The following BCKDHB variants were observed in gnomAD, a reference collection of about 807,000 sequenced individuals.
BCKDHB encodes the protein 2-oxoisovalerate dehydrogenase subunit beta, mitochondrial.
BCKDHB carries 41 observed loss-of-function variants against 48.5 expected under a neutral mutation model. The observed-to-expected ratio is 0.85, with a 90% CI of 0.66 to 1.10. The LOEUF (loss-of-function observed/expected upper bound fraction) is 1.10, where lower values mean the gene tolerates loss of function less well. Among genes scored for constraint, BCKDHB ranks in the 50% least tolerant of loss-of-function variants. The probability of loss-of-function intolerance (pLI) is 0.00; values close to 1 mark genes in which losing one functional copy is unlikely to be tolerated. For missense variants in BCKDHB, 496 were observed against 494.2 expected (o/e 1.00, Z -0.03); for synonymous variants, 201 against 174.8 (o/e 1.15, Z -1.18).
At chr6:80,145,682 C>T (rs1233107129) in intron 3 of BCKDHB, among the ~76,000 whole-genome samples, 1 of 152,088 alleles carries the variant, frequency 6.6e-6, no homozygotes, top group Non-Finnish European at 1.5e-5. Flanking sequence ...ATTGCTGGAC[C>T]AACTGTTCAC....
the BCKDHB span, chr6:80,465,740 T>G: frequency 6.6e-6 from 1 of 152,234 alleles, no homozygotes; most frequent in African/African-American, 2.4e-5. Flanking sequence ...ATCTGTTTGC[T>G]TTTCAGTTTG....
At chr6:80,277,757 T>TA (rs1562197293) in intron 9 of BCKDHB, among the ~76,000 whole-genome samples, 1 of 151,926 alleles carries the variant, frequency 6.6e-6, no homozygotes, top group Non-Finnish European at 1.5e-5. Flanking sequence ...GTTACATCCT[T>TA]TCTGTGCGGT....
intron 8 of BCKDHB, among the ~76,000 whole-genome samples, chr6:80,248,529 T>A (rs1776705436): frequency 1.3e-5 from 2 of 152,290 alleles, no homozygotes; most frequent in East Asian, 3.9e-4. Flanking sequence ...ATTGCTGGGA[T>A]ATGGTATGAG....
At chr6:80,290,461 C>T (rs1485840935) in intron 9 of BCKDHB, among the ~76,000 whole-genome samples, 2 of 152,210 alleles carry the variant, frequency 1.3e-5, no homozygotes, top group East Asian at 3.9e-4. Flanking sequence ...CTCCCCCGCC[C>T]ACTGCGGAGC....
chr6:80,392,163 T>G, the BCKDHB span, among the ~76,000 whole-genome samples: 3 of 152,066 alleles, frequency 2.0e-5, no homozygotes, highest in Non-Finnish European at 4.4e-5. Flanking sequence ...CAGCTAATTT[T>G]TGTAATTTTT....
intron 9 of BCKDHB, among the ~76,000 whole-genome samples, chr6:80,323,976 GT>G (rs1423250661): frequency 5.9e-5 from 9 of 152,110 alleles, no homozygotes; most frequent in Admixed American, 5.9e-4. Context: ...GTTTCACCGT[GT>G]TAGCCAGGGT....
chr6:80,159,011 G>C (rs1356937554), intron 3 of BCKDHB, among the ~76,000 whole-genome samples: 6 of 152,144 alleles, frequency 3.9e-5, no homozygotes, highest in Admixed American at 2.6e-4. Flanking sequence ...TGGTGGATTA[G>C]GTGTGAGTAA....
At chr6:80,359,610 T>C in the BCKDHB span, among the ~76,000 whole-genome samples, 373 of 152,320 alleles carry the variant, frequency 2.4e-3, 3 homozygotes, top group African/African-American at 8.5e-3. Context: ...TTGTTTGTTT[T>C]TTGAGATGGA....
intron 9 of BCKDHB, among the ~76,000 whole-genome samples, chr6:80,298,360 C>T (rs561817097): frequency 1.1e-4 from 17 of 152,284 alleles, no homozygotes; most frequent in Non-Finnish European, 2.1e-4. Flanking sequence ...CCACTTGCCT[C>T]GGCCTCCCAA....
the BCKDHB span, among the ~76,000 whole-genome samples, chr6:80,369,634 A>T: frequency 6.6e-6 from 1 of 152,350 alleles, no homozygotes; most frequent in Admixed American, 6.5e-5. Flanking sequence ...TCATCTAGTC[A>T]CTAACTGCCT....
chr6:80,256,245 ATGT>A (rs1777045519), intron 8 of BCKDHB, among the ~76,000 whole-genome samples: 2 of 152,162 alleles, frequency 1.3e-5, no homozygotes, highest in Admixed American at 1.3e-4. Context: ...TCTGAGAAAC[ATGT>A]TGTTAGGCAA....
chr6:80,331,402 A>T (rs1440127539), intron 9 of BCKDHB, among the ~76,000 whole-genome samples: 1 of 152,122 alleles, frequency 6.6e-6, no homozygotes, highest in African/African-American at 2.4e-5. Context: ...CCATTCCATA[A>T]ATGTGCTCTC....
the BCKDHB span, among the ~76,000 whole-genome samples, chr6:80,385,854 T>G: frequency 6.6e-6 from 1 of 152,144 alleles, no homozygotes; most frequent in Admixed American, 6.5e-5. Flanking sequence ...GGGATAATGG[T>G]GGAAGCAACA....
intron 1 of BCKDHB, among the ~76,000 whole-genome samples, chr6:80,110,849 G>A (rs1407486384): frequency 6.6e-6 from 1 of 152,124 alleles, no homozygotes; most frequent in Non-Finnish European, 1.5e-5. Context: ...AAATAGCTAG[G>A]GGTCTTTAAG....
the BCKDHB span, among the ~76,000 whole-genome samples, chr6:80,368,820 G>A: frequency 6.6e-6 from 1 of 152,012 alleles, no homozygotes; most frequent in African/African-American, 2.4e-5. Flanking sequence ...AGACTAGCCT[G>A]GGCCAATATG....
At chr6:80,173,739 G>C (rs1254892925) in intron 6 of BCKDHB, among the ~76,000 whole-genome samples, 1 of 149,988 alleles carries the variant, frequency 6.7e-6, no homozygotes, top group African/African-American at 2.4e-5. Context: ...TTTGACCTAT[G>C]GTTTTCTTAG....
the BCKDHB span, among the ~76,000 whole-genome samples, chr6:80,389,177 G>A: frequency 1.3e-5 from 2 of 152,204 alleles, no homozygotes; most frequent in African/African-American, 4.8e-5. Context: ...GACCCCTTCT[G>A]TGGACACCAC....
At chr6:80,437,068 A>C in the BCKDHB span, among the ~76,000 whole-genome samples, 1 of 152,196 alleles carries the variant, frequency 6.6e-6, no homozygotes. Context: ...CATTATTTTA[A>C]TTAACTTAGT....
the BCKDHB span, chr6:80,356,963 AC>A: frequency 3.4e-4 from 6 of 17,550 alleles, no homozygotes; most frequent in African/African-American, 1.2e-3. Context: ...CCCCCCCCCC[AC>A]ACACACGATT....
Sources: allele counts gnomAD v4.1 joint callset (sites outside exome capture counted in the v4.1 genomes callset), GRCh38; gene constraint gnomAD v4.1.1; transcripts MANE v1.5; gene names NCBI Gene and HGNC (gene_info 2026-07-23, HGNC 2026-07-21).